Variants in MAST2 observed in about 807,000 individuals in gnomAD.
The protein encoded by MAST2 is microtubule associated serine/threonine kinase 2, also known as microtubule-associated serine/threonine-protein kinase 2.
MAST2 carries 70 observed loss-of-function variants against 147.4 expected under a neutral mutation model. The observed-to-expected ratio is 0.47, with a 90% CI of 0.39 to 0.58. MAST2 has a LOEUF of 0.58. Among genes scored for constraint, MAST2 ranks in the 20% least tolerant of loss-of-function variants. The probability of loss-of-function intolerance (pLI) is 0.00; values close to 1 mark genes in which losing one functional copy is unlikely to be tolerated. For synonymous variants in MAST2, 869 were observed against 896.8 expected (o/e 0.97, Z 0.55); for missense variants, 2,080 against 2,302.3 (o/e 0.90, Z 1.98).
chr1:46,026,096 A>C (rs1036277113), intron 16 of MAST2, among the ~76,000 whole-genome samples: 2 of 152,232 alleles, frequency 1.3e-5, no homozygotes, highest in Non-Finnish European at 2.9e-5. Context: ...AAGCACATCT[A>C]GTAGATGGCT....
chr1:46,033,115 A>G (rs1416243804), intron 26 of MAST2, among the ~76,000 whole-genome samples: 1 of 152,134 alleles, frequency 6.6e-6, no homozygotes, highest in Non-Finnish European at 1.5e-5. Flanking sequence ...TCTACTAAAA[A>G]TAACAAAAAT....
chr1:46,019,050 A>C (rs1447360444), intron 10 of MAST2, among the ~76,000 whole-genome samples: 1 of 152,174 alleles, frequency 6.6e-6, no homozygotes, highest in Non-Finnish European at 1.5e-5. Context: ...CTGCTTCTGT[A>C]GTAACCCACG....
At position 46,034,640 on chromosome 1, in the gene MAST2, C is replaced by T; in HGVS notation, c.3971C>T (p.Pro1324Leu). ...CCCAGCTCCCTCCACGGTCTGGCACCCAAGCTCCAACGCCAGTACCGCTCT... is the reference window on the plus strand; with the variant it reads ...CCCAGCTCCCTCCACGGTCTGGCACTCAAGCTCCAACGCCAGTACCGCTCT... ...TRPSSLHGLA[P>L]KLQRQYRSPR... Residue 1324 changes from proline to leucine, a missense_variant, in exon 29 of 29, where the codon CCC becomes CTC. Transcript: ENST00000361297. 1 of 1,614,156 alleles carries T rather than the reference C, an allele frequency of 6.2e-7. No homozygotes were observed. Among genetic ancestry groups the T allele is most frequent in the Non-Finnish European group, 8.5e-7 (1 of 1,180,020 alleles).
In MAST2 at chr1:45,830,040, A is replaced by G. The variant is rs566596425; in HGVS notation, c.468+459A>G. ...TGGCTAATTTTTTTGTATTACTAGT[A>G]GAGATGGGGTTTCACTGTGTTGGCT... is the stretch of plus-strand genomic sequence containing the variant. On this transcript the variant is annotated intron_variant, in intron 3 of 28. Transcript: ENST00000361297. Among the ~76,000 whole-genome samples the G allele has an allele frequency of 1.6e-4, 25 of 151,650 alleles. No individual in the cohort carries two copies. The East Asian group carries it at 4.8e-3, about 29-fold the overall frequency.
intron 3 of MAST2, among the ~76,000 whole-genome samples, chr1:45,856,308 G>A (rs988670465): frequency 2.0e-5 from 3 of 152,052 alleles, no homozygotes; most frequent in Non-Finnish European, 2.9e-5. Context: ...AATAATAACA[G>A]TTACAATTGT....
intron 3 of MAST2, among the ~76,000 whole-genome samples, chr1:45,845,605 T>C (rs1362302915): frequency 1.3e-4 from 20 of 152,222 alleles, no homozygotes; most frequent in Non-Finnish European, 4.4e-5. Flanking sequence ...CTGAATTACA[T>C]GTCAATTTAA....
intron 1 of MAST2, among the ~76,000 whole-genome samples, chr1:45,815,127 A>G (rs1397858524): frequency 1.3e-5 from 2 of 151,964 alleles, no homozygotes; most frequent in African/African-American, 2.4e-5. Flanking sequence ...AATAAGCTAC[A>G]TCGTTTCTTT....
chr1:45,948,417 A>G (rs1232867041), intron 4 of MAST2, among the ~76,000 whole-genome samples: 1 of 152,126 alleles, frequency 6.6e-6, no homozygotes, highest in Non-Finnish European at 1.5e-5. Flanking sequence ...AAAAAATTAT[A>G]TGGAACCGGG....
chr1:46,035,075 T>A lies in MAST2; in HGVS notation c.4406T>A (p.Val1469Glu). Residue 1469 changes from valine to glutamate, a missense_variant, in exon 29 of 29, where the codon GTG (valine) becomes GAG (glutamate). Transcript: ENST00000361297. The surrounding 1 kb of genome is among the most constrained non-coding windows in gnomAD (Gnocchi z 5.5). ...SGKGALPGKG[V>E]LQPAPSRALG... ...AAGGGGGCCCTGCCAGGGAAGGGGG[T>A]GCTGCAGCCTGCTCCCTCACGGGCC... is the stretch of plus-strand genomic sequence containing the variant. The A allele has an allele frequency of 6.2e-7, 1 of 1,612,832 alleles. No individual in the cohort carries two copies. Among genetic ancestry groups the A allele is most frequent in the South Asian group, 1.1e-5 (1 of 91,022 alleles).
At chr1:45,927,428 G>T (rs1423888108) in intron 4 of MAST2, among the ~76,000 whole-genome samples, 2 of 152,164 alleles carry the variant, frequency 1.3e-5, no homozygotes, top group Non-Finnish European at 2.9e-5. Context: ...GACAGGCCAC[G>T]CCCAGGGGGG....
rs117710472 is a variant in MAST2 at position 46,006,695 on chromosome 1, A to G, written c.902+300A>G. The G allele has an allele frequency of 4.0e-3, 846 of 208,944 alleles. 17 individuals are homozygous for G. In the East Asian group the frequency reaches 0.042, roughly 10 times the overall value. 12.9% of individuals were successfully genotyped at this position (208,944 alleles called of 1,614,324 possible). On this transcript the variant is annotated intron_variant, in intron 8 of 28. Coordinates refer to ENST00000361297, the MANE Select transcript of MAST2 (RefSeq NM_015112.3). ...GGCCAGCTTGAGTGAGTCAAGTTCA[A>G]CAAAGCCCAAGCTATTTTTGGCTTC...
chr1:45,963,691 A>G (rs1193921540), intron 5 of MAST2, among the ~76,000 whole-genome samples: 11 of 152,228 alleles, frequency 7.2e-5, no homozygotes, highest in Admixed American at 6.5e-4. Context: ...TAGATATACA[A>G]TCATGTCATC....
chr1:45,818,122 T>C (rs2148672010), intron 1 of MAST2, among the ~76,000 whole-genome samples: 1 of 152,276 alleles, frequency 6.6e-6, no homozygotes, highest in South Asian at 2.1e-4. Context: ...GAAGCTTGGT[T>C]GTGTGATGTG....
intron 3 of MAST2, among the ~76,000 whole-genome samples, chr1:45,858,001 T>G (rs1256783015): frequency 2.0e-5 from 3 of 152,030 alleles, no homozygotes; most frequent in African/African-American, 7.2e-5. Context: ...TTTTCTTAAT[T>G]CAGTCTATCA....
At chr1:45,823,203 CT>C (rs774121918) in intron 1 of MAST2, among the ~76,000 whole-genome samples, 596 of 135,774 alleles carry the variant, frequency 4.4e-3, no homozygotes, top group Admixed American at 4.6e-3. Flanking sequence ...GAATTTTTTT[CT>C]TTTTTTTTTT....
Position 45,820,893 on chromosome 1 carries a change from C to CTTTTTTTTTT in MAST2, c.178-3525_178-3516dup, listed in dbSNP as rs769508054. 6.0e-3 allele frequency among the ~76,000 whole-genome samples: 259 copies of CTTTTTTTTTT among 43,038 alleles called. 1 individual carries two copies. The highest frequency in any genetic ancestry group is 0.042 in the Middle Eastern group (1 of 24). 28.2% of individuals were successfully genotyped at this position (43,038 alleles called of 152,430 possible). On this transcript the variant is annotated intron_variant, in intron 1 of 28. Coordinates refer to ENST00000361297, the MANE Select transcript of MAST2 (RefSeq NM_015112.3). ...TCGATTTCAATTTCTCTTTCTTTCTCTTTTTTTTTTTTTTTTTTTTTTTTG... is the reference window on the plus strand; with the variant it reads ...TCGATTTCAATTTCTCTTTCTTTCTCTTTTTTTTTTTTTTTTTTTTTTTTTTTTTTTTTTG...
rs911147269 is a variant in MAST2, at chr1:45,854,709, G to A, written c.468+25128G>A. ...GACCCTTCTGACACCACATTTATGGGTTTTTTTTCCCTGTACACCAAACAG... is the reference window on the plus strand; with the variant it reads ...GACCCTTCTGACACCACATTTATGGATTTTTTTTCCCTGTACACCAAACAG... On this transcript the variant is annotated intron_variant, in intron 3 of 28. Transcript: ENST00000361297. 6.6e-5 allele frequency among the ~76,000 whole-genome samples: 10 copies of A among 151,916 alleles called. No individual in the cohort carries two copies. The East Asian group carries it at 7.7e-4, about 12-fold the overall frequency.
chr1:45,805,776 G>T (rs1378491929), intron 1 of MAST2, among the ~76,000 whole-genome samples: 1 of 152,012 alleles, frequency 6.6e-6, no homozygotes, highest in African/African-American at 2.4e-5. Flanking sequence ...TCTTTTGTTT[G>T]CCTTAGACCC....
rs903612018 is a variant in MAST2, at chr1:46,034,949, A to T, written c.4280A>T (p.Lys1427Met). 1 of 1,614,014 alleles carries T rather than the reference A, an allele frequency of 6.2e-7. No individual in the cohort carries two copies. Among genetic ancestry groups the T allele is most frequent in the African/African-American group, 1.3e-5 (1 of 74,924 alleles). ...GAGAAGAAGCTAGCCACTTCTCGCA[A>T]GCACAGCCTTGACCTGCCCCACTCT... ...ASEKKLATSR[K>M]HSLDLPHSEL... Residue 1427 changes from lysine to methionine, a missense_variant, in exon 29 of 29, where the codon AAG (lysine) becomes ATG (methionine). Around this residue, in one of 4 missense-constraint regions of MAST2, gnomAD observed 1,278 missense variants for 1,304.2 expected, o/e 0.98. Transcript: ENST00000361297.
Sources: gnomAD v4.1 joint callset for allele counts (sites outside exome capture counted in the v4.1 genomes callset) on GRCh38, gnomAD v4.1.1 for gene constraint, gnomAD v4.1.1 regional missense constraint, Gnocchi (gnomAD v3.1) non-coding constraint, MANE v1.5 for transcripts, NCBI Gene and HGNC (gene_info 2026-07-23, HGNC 2026-07-21) for gene names.